The following RASL12 variants were observed in gnomAD, a reference collection of about 807,000 sequenced individuals.
RASL12 encodes ras-like protein family member 12.
In RASL12, 16 loss-of-function variants were observed where a neutral mutation model predicts 22.9. The ratio of observed to expected loss-of-function variants is 0.70; its 90% confidence interval spans 0.47 to 1.06. The LOEUF (loss-of-function observed/expected upper bound fraction) is 1.06. RASL12 is among the 50% of genes least tolerant of loss of function. The pLI is 0.00. For synonymous variants in RASL12, 159 were observed against 152.2 expected, an observed-to-expected ratio of 1.04 and a Z score of -0.33; for missense variants, 306 against 353.1, an observed-to-expected ratio of 0.87 and a Z score of 1.07.
chr15:65,049,923 G>A, downstream of RASL12: 2 of 1,082,454 alleles, frequency 1.8e-6, no homozygotes, highest in East Asian at 2.7e-5. Flanking sequence ...TCTGCCCAGG[G>A]GCCAGAACCG....
chr15:65,053,278 C>T (rs933849150), downstream of RASL12: 10 of 1,429,564 alleles, frequency 7.0e-6, no homozygotes, highest in Non-Finnish European at 9.1e-6. Context: ...TTTTCTTTTT[C>T]TTTCTTTCTT....
At chr15:65,076,070 C>A (rs1332168494) in intron 1 of RASL12, among the ~76,000 whole-genome samples, 1 of 152,182 alleles carries the variant, frequency 6.6e-6, no homozygotes, top group Non-Finnish European at 1.5e-5. Context: ...GGATTGTAAA[C>A]CCACCAATCA....
At chr15:65,055,906 G>T (rs2086725216) in intron 4 of RASL12, among the ~76,000 whole-genome samples, 1 of 152,188 alleles carries the variant, frequency 6.6e-6, no homozygotes, top group African/African-American at 2.4e-5. Context: ...GGCAGAGGCA[G>T]GAGAGGGCAG....
downstream of RASL12, chr15:65,053,257 A>T: frequency 6.7e-7 from 1 of 1,501,486 alleles, no homozygotes; most frequent in South Asian, 1.3e-5. Flanking sequence ...GTCTCTCCCA[A>T]GAAGCCGCTT....
rs373793960 is a variant in RASL12, at chr15:65,054,940, C to T, written c.760G>A (p.Ala254Thr). ...KSSRAQSKRK[A>T]PTLTLLKGFK... ...CCCTTCAGGAGAGTCAGGGTAGGCG[C>T]CTTGCGCTTGCTCTGGGCCCGGGAT... is the stretch of plus-strand genomic sequence containing the variant. The change falls in exon 5 of 5, where the codon GCG (alanine) becomes ACG (threonine). Residue 254 changes from alanine to threonine, a missense_variant. Physicochemically the swap from Ala to Thr is moderately conservative, Grantham distance 58. Transcript: ENST00000220062. The T allele has an allele frequency of 2.5e-6, 4 of 1,614,072 alleles. No individual in the cohort carries two copies. Among genetic ancestry groups the T allele is most frequent in the African/African-American group, 1.3e-5 (1 of 74,946 alleles).
At chr15:65,049,931 C>T, downstream of RASL12, 1 of 1,209,928 alleles carries the variant, frequency 8.3e-7, no homozygotes, top group Non-Finnish European at 1.2e-6. Flanking sequence ...GGGGCCAGAA[C>T]CGAGGAGGCC....
chr15:65,058,315 A>T (rs757520623), intron 4 of RASL12, 112 bp downstream of exon 4: 5 of 830,900 alleles, frequency 6.0e-6, no homozygotes, highest in Non-Finnish European at 6.9e-6. Context: ...CTTCTACCAC[A>T]ATTCAAGGGG....
chr15:65,046,515 A>T, the RASL12 span, among the ~76,000 whole-genome samples: 1 of 152,162 alleles, frequency 6.6e-6, no homozygotes, highest in African/African-American at 2.4e-5. Flanking sequence ...GGCATCTAAC[A>T]TAGCTGAGGA....
chr15:65,051,741 T>A, downstream of RASL12: 1 of 699,448 alleles, frequency 1.4e-6, no homozygotes, highest in East Asian at 2.8e-5. Context: ...CAGCCTTCAG[T>A]GTCCTTCGAG....
At chr15:65,070,483 G>A (rs1424211698), upstream of RASL12, among the ~76,000 whole-genome samples, 1 of 152,156 alleles carries the variant, frequency 6.6e-6, no homozygotes, top group Non-Finnish European at 1.5e-5. Flanking sequence ...ATTCTGCTAG[G>A]GCAGGTAACC....
chr15:65,059,510 GA>G lies in RASL12; in HGVS notation c.161-93del, dbSNP rs2086777188. The G allele has an allele frequency of 3.1e-6, 3 of 961,058 alleles. No individual in the cohort carries two copies. In the Admixed American group the frequency reaches 5.7e-5, roughly 18 times the overall value. 59.5% of individuals were successfully genotyped at this position (961,058 alleles called of 1,614,324 possible). ...GCTAGACCCCTGTGTGGCCTGGGGGGACCTTAGCAGCTGCTCTGGGGCTGGG... is the reference window on the plus strand; with the variant it reads ...GCTAGACCCCTGTGTGGCCTGGGGGGCCTTAGCAGCTGCTCTGGGGCTGGG... On this transcript the variant is annotated intron_variant, in intron 2 of 4. Transcript: ENST00000220062.
chr15:65,071,282 C>G (rs1345976722), upstream of RASL12, among the ~76,000 whole-genome samples: 2 of 152,136 alleles, frequency 1.3e-5, no homozygotes, highest in Non-Finnish European at 2.9e-5. Context: ...TTCTTTGCCC[C>G]CATCCCCAAC....
Position 65,054,580 on chromosome 15 carries a change from G to C in RASL12, c.*319C>G, listed in dbSNP as rs914453855. 3.5e-6 allele frequency: 4 copies of C among 1,137,170 alleles called. No homozygotes were observed. In the East Asian group the frequency reaches 1.9e-4, roughly 53 times the overall value. The allele number at this position is 1,137,170 out of a possible 1,614,324, so 70.4% of individuals were successfully genotyped here. A position where few individuals can be genotyped will look rare whatever the true frequency, so the allele number is the denominator to read the frequency against. On this transcript the variant is annotated 3_prime_UTR_variant, in exon 5 of 5. Transcript: ENST00000220062. ...GGCCCAACTGTAGCTGGAGCAGGAA[G>C]GGCTGATGGCAGCAGGATAGACACT...
rs747600219 is a variant in RASL12 at position 65,058,577 on chromosome 15, T to A, written c.275A>T (p.His92Leu). ...GACGCTGTACACCACCAGGAAGGCA[T>A]GGGCCCAGTTCAGGTAGCGCTCGCA... is the stretch of plus-strand genomic sequence containing the variant. The part of the protein sequence containing the change: ...RNCERYLNWA[H>L]AFLVVYSVDS... Residue 92 changes from histidine (H) to leucine (L), a missense_variant, in exon 4 of 5, where the codon CAT becomes CTT. Coordinates refer to ENST00000220062, the MANE Select transcript of RASL12 (RefSeq NM_016563.4). 4 of 1,599,032 alleles carry A rather than the reference T, an allele frequency of 2.5e-6. No homozygotes were observed. The South Asian group carries it at 4.5e-5, about 18-fold the overall frequency.
At chr15:65,050,833 C>CTTTTTTTTTTTTTTTTTTTTTTT (rs67418433), downstream of RASL12, among the ~76,000 whole-genome samples, 24 of 88,596 alleles carry the variant, frequency 2.7e-4, 1 homozygote, top group South Asian at 5.1e-4. Flanking sequence ...TCTTCTTCTT[C>CTTTTTTTTTTTTTTTTTTTTTTT]TTCTTTTTTT....
At chr15:65,068,078 C>G (rs961223496), upstream of RASL12, 1 of 1,065,508 alleles carries the variant, frequency 9.4e-7, no homozygotes, top group Non-Finnish European at 1.1e-6. The surrounding 1 kb of genome is among the most constrained non-coding windows in gnomAD (Gnocchi z 4.2). Flanking sequence ...GGCTGCGGAG[C>G]CCCCCGCGGG....
upstream of RASL12, among the ~76,000 whole-genome samples, chr15:65,070,259 C>A (rs942806975): frequency 2.0e-5 from 3 of 152,318 alleles, no homozygotes; most frequent in East Asian, 1.9e-4. Context: ...CAGAGTGAGA[C>A]CTTGTCTCAA....
chr15:65,052,462 A>G (rs972919226), downstream of RASL12, among the ~76,000 whole-genome samples: 28 of 142,548 alleles, frequency 2.0e-4, no homozygotes, highest in Non-Finnish European at 3.0e-5. Flanking sequence ...GTGCAGTGGC[A>G]CAATCTCGGC....
At chr15:65,066,236 AAGAT>A (rs1481552989) in intron 1 of RASL12, among the ~76,000 whole-genome samples, 9 of 152,092 alleles carry the variant, frequency 5.9e-5, no homozygotes, top group East Asian at 5.8e-4. Flanking sequence ...CAAAGACAGA[AAGAT>A]AGAAAGAAAG....
Sources: allele counts gnomAD v4.1 joint callset (sites outside exome capture counted in the v4.1 genomes callset), GRCh38; gene constraint gnomAD v4.1.1; non-coding constraint Gnocchi (gnomAD v3.1); transcripts MANE v1.5; gene names NCBI Gene and HGNC (gene_info 2026-07-23, HGNC 2026-07-21).